EPB41L1: variants seen among roughly 807,000 people sequenced by gnomAD.
EPB41L1 encodes erythrocyte membrane protein band 4.1 like 1.
In EPB41L1, 29 loss-of-function variants were observed where a neutral mutation model predicts 97.8. The observed-to-expected ratio is 0.30, with a 90% CI of 0.22 to 0.40. The LOEUF (loss-of-function observed/expected upper bound fraction) is 0.40. Ranked by LOEUF, EPB41L1 falls within the 10% of genes least tolerant of loss-of-function variation. The pLI, the probability that EPB41L1 is intolerant of heterozygous loss-of-function variation, is 1.00. For synonymous variants in EPB41L1, 383 were observed against 459.2 expected (o/e 0.83, Z 2.12); for missense variants, 812 against 1,162.3 (o/e 0.70, Z 4.38).
In EPB41L1 at chr20:36,175,672, G is replaced by T; in HGVS notation, c.299G>T (p.Arg100Leu). Reference sequence around the variant, plus strand: ...AAGAAATACAAGAGTGCCATCTGCCGGGTCACTCTGCTTGATGCCTCGGAG... The same window carrying T: ...AAGAAATACAAGAGTGCCATCTGCCTGGTCACTCTGCTTGATGCCTCGGAG... ...IAKKYKSAIC[R>L]VTLLDASEYE... Residue 100 changes from arginine (R) to leucine (L), a missense_variant, in exon 3 of 22, where the codon CGG becomes CTG. Arg to Leu is a moderately radical substitution (Grantham distance 102). This residue lies in a region of EPB41L1 where 230 missense variants were observed against 445.2 expected (regional missense o/e 0.52). Transcript: ENST00000338074. 4.3e-6 allele frequency: 7 copies of T among 1,614,054 alleles called. No individual in the cohort carries two copies. The highest frequency in any genetic ancestry group is 5.9e-6 in the Non-Finnish European group (7 of 1,180,028).
At chr20:36,094,765 G>A (rs1298379938) in intron 1 of EPB41L1, among the ~76,000 whole-genome samples, 1 of 152,090 alleles carries the variant, frequency 6.6e-6, no homozygotes, top group Non-Finnish European at 1.5e-5. Context: ...AGAATCCCGG[G>A]ACATGGGAAA....
rs2062841392 is a variant in EPB41L1, at chr20:36,206,790, C to A, written c.1669-2698C>A. 1.6e-6 allele frequency: 2 copies of A among 1,289,746 alleles called. No individual in the cohort carries two copies. Among genetic ancestry groups the A allele is most frequent in the Non-Finnish European group, 2.0e-6 (2 of 988,886 alleles). 79.9% of individuals were successfully genotyped at this position (1,289,746 alleles called of 1,614,324 possible). ...AAGGAGAGTTTCCCCACCTGACAGC[C>A]AGCGCAGCCCGAGAGGAAGGGACCC... On this transcript the variant is annotated intron_variant, in intron 14 of 21. Coordinates refer to ENST00000338074, the MANE Select transcript of EPB41L1 (RefSeq NM_012156.2). This position sits in a 1 kb window ranked among gnomAD's most constrained non-coding sequence, Gnocchi z 5.5.
intron 2 of EPB41L1, among the ~76,000 whole-genome samples, chr20:36,138,853 T>C (rs1045966314): frequency 7.3e-4 from 111 of 152,328 alleles, no homozygotes; most frequent in African/African-American, 2.5e-3. Context: ...TCCACCTGTC[T>C]ATAGAATTTT....
At chr20:36,194,485 A>G (rs2062098789) in intron 12 of EPB41L1, 125 bp downstream of exon 12, 2 of 1,274,062 alleles carry the variant, frequency 1.6e-6, no homozygotes, top group Admixed American at 2.0e-5. Flanking sequence ...GGAGTGCACC[A>G]TGGCAGGGCC....
rs142197690 is a variant in EPB41L1 at position 36,199,506 on chromosome 20, C to T, written c.1668+1465C>T. ...TGGCCTGAACCTGCCAGATAACAGA[C>T]GGCTTTGTCTAGTAAGGCATAAGTC... On this transcript the variant is annotated intron_variant, in intron 14 of 21. Coordinates refer to ENST00000338074, the MANE Select transcript of EPB41L1 (RefSeq NM_012156.2). Among the ~76,000 whole-genome samples, 5 of 152,326 alleles carry T rather than the reference C, an allele frequency of 3.3e-5. No homozygotes were observed. In the East Asian group the frequency reaches 5.8e-4, roughly 18 times the overall value.
At chr20:36,197,563 G>C in intron 13 of EPB41L1, 2 of 909,888 alleles carry the variant, frequency 2.2e-6, no homozygotes, top group Non-Finnish European at 2.6e-6. Flanking sequence ...TGGGCTTTGG[G>C]TAGAGGTTGG....
Position 36,195,763 on chromosome 20 carries a change from G to A in EPB41L1, c.1485+399G>A, listed in dbSNP as rs1056530054. Among the ~76,000 whole-genome samples the A allele has an allele frequency of 2.0e-5, 3 of 151,958 alleles. No homozygotes were observed. The highest frequency in any genetic ancestry group is 2.1e-4 in the South Asian group (1 of 4,810). On this transcript the variant is annotated intron_variant, in intron 13 of 21. Transcript: ENST00000338074. The surrounding 1 kb of genome is among the most constrained non-coding windows in gnomAD (Gnocchi z 4.6). Reference sequence around the variant, plus strand: ...CCTTCCCTAGATTCATCTCCTGCCCGACAGCACTGTTTGGTCTCGCCTCCA... The same window carrying A: ...CCTTCCCTAGATTCATCTCCTGCCCAACAGCACTGTTTGGTCTCGCCTCCA...
chr20:36,206,724 G>T lies in EPB41L1; in HGVS notation c.1669-2764G>T. On this transcript the variant is annotated intron_variant, in intron 14 of 21. Transcript: ENST00000338074. This position sits in a 1 kb window ranked among gnomAD's most constrained non-coding sequence, Gnocchi z 5.5. ...ACCTGAAGGGATCTCCCGCAGGACAGACGTTTGCTGAAGGCTGGGAAGATG... is the reference window on the plus strand; with the variant it reads ...ACCTGAAGGGATCTCCCGCAGGACATACGTTTGCTGAAGGCTGGGAAGATG... 7.8e-7 allele frequency: 1 copy of T among 1,289,892 alleles called. No individual in the cohort carries two copies. The highest frequency in any genetic ancestry group is 1.0e-6 in the Non-Finnish European group (1 of 988,896). The allele number at this position is 1,289,892 out of a possible 1,614,324, so 79.9% of individuals were successfully genotyped here. A position where few individuals can be genotyped will look rare whatever the true frequency, so the allele number is the denominator to read the frequency against.
At chr20:36,116,124 C>T (rs1441988926) in intron 2 of EPB41L1, among the ~76,000 whole-genome samples, 1 of 152,096 alleles carries the variant, frequency 6.6e-6, no homozygotes, top group Non-Finnish European at 1.5e-5. Flanking sequence ...ACACAGTCAG[C>T]ATGCAAATTG....
At chr20:36,198,137 T>G in intron 14 of EPB41L1, 96 bp downstream of exon 14, 1 of 1,120,188 alleles carries the variant, frequency 8.9e-7, no homozygotes, top group Non-Finnish European at 1.3e-6. Context: ...ACCAATATGC[T>G]TCCCCCATTG....
intron 2 of EPB41L1, chr20:36,112,542 C>T (rs1467794762): frequency 6.6e-6 from 1 of 152,296 alleles, no homozygotes; most frequent in Non-Finnish European, 1.5e-5. Flanking sequence ...AGAGGTCTTC[C>T]AGGCCCTCGG....
intron 2 of EPB41L1, chr20:36,125,623 T>C: frequency 6.7e-7 from 1 of 1,502,862 alleles, no homozygotes; most frequent in Non-Finnish European, 8.9e-7. Context: ...GTGGCAGGAG[T>C]TTCCTGTGTG....
At position 36,195,288 on chromosome 20, in the gene EPB41L1, T is replaced by C. The variant is rs748541456; in HGVS notation, c.1450-41T>C. ...GGTATCTCTAATCCATCTGCTCTAC[T>C]GACCCTGCTGCTTTCTTTCCCTCCT... On this transcript the variant is annotated intron_variant, in intron 12 of 21. Coordinates refer to ENST00000338074, the MANE Select transcript of EPB41L1 (RefSeq NM_012156.2). The surrounding 1 kb of genome is among the most constrained non-coding windows in gnomAD (Gnocchi z 4.6). The C allele has an allele frequency of 3.7e-6, 6 of 1,613,656 alleles. No homozygotes were observed. Among genetic ancestry groups the C allele is most frequent in the Non-Finnish European group, 2.5e-6 (3 of 1,179,646 alleles).
chr20:36,158,493 G>A (rs1260912485), intron 1 of EPB41L1, among the ~76,000 whole-genome samples: 4 of 152,196 alleles, frequency 2.6e-5, no homozygotes, highest in African/African-American at 9.7e-5. Flanking sequence ...CAGAGGGGAA[G>A]GAAATAGGAA....
chr20:36,150,526 T>C (rs1349433815), upstream of EPB41L1: 1 of 152,214 alleles, frequency 6.6e-6, no homozygotes, highest in Non-Finnish European at 1.5e-5. Flanking sequence ...AGGGAGTTTA[T>C]AAGGGTTGAA....
chr20:36,124,942 C>T lies in EPB41L1; in HGVS notation c.-10+12462C>T, dbSNP rs573085713. On this transcript the variant is annotated intron_variant, in intron 2 of 19. Transcript: ENST00000202028. ...CATACATGGTGGGTAGGGGAGGCAG[C>T]GGGTAATTAAGATTGGAAAGTGATG... 1.3e-4 allele frequency among the ~76,000 whole-genome samples: 20 copies of T among 151,968 alleles called. No individual in the cohort carries two copies. In the South Asian group the frequency reaches 3.6e-3, roughly 27 times the overall value.
intron 14 of EPB41L1, among the ~76,000 whole-genome samples, chr20:36,201,945 C>A (rs890821286): frequency 6.6e-6 from 1 of 152,208 alleles, no homozygotes; most frequent in African/African-American, 2.4e-5. Flanking sequence ...TTAGCTGCTG[C>A]AAACGTGCTG....
chr20:36,108,617 T>C (rs983674400), intron 1 of EPB41L1, among the ~76,000 whole-genome samples: 1 of 152,066 alleles, frequency 6.6e-6, no homozygotes, highest in Admixed American at 6.5e-5. Flanking sequence ...GAGGCTGCAG[T>C]GAGCCAAGAT....
At chr20:36,124,455 G>A (rs2058881400) in intron 2 of EPB41L1, among the ~76,000 whole-genome samples, 1 of 152,052 alleles carries the variant, frequency 6.6e-6, no homozygotes, top group African/African-American at 2.4e-5. Flanking sequence ...TATTCTATTG[G>A]TCATTTCCGT....
Sources: gnomAD v4.1 joint callset for allele counts (sites outside exome capture counted in the v4.1 genomes callset) on GRCh38, gnomAD v4.1.1 for gene constraint, gnomAD v4.1.1 regional missense constraint, Gnocchi (gnomAD v3.1) non-coding constraint, MANE v1.5 for transcripts, NCBI Gene and HGNC (gene_info 2026-07-23, HGNC 2026-07-21) for gene names.